SIRPA: variants seen among roughly 807,000 people sequenced by gnomAD.
SIRPA encodes the protein signal regulatory protein alpha, also known as tyrosine-protein phosphatase non-receptor type substrate 1.
In SIRPA, 9 loss-of-function variants were observed where a neutral mutation model predicts 50.3. The ratio of observed to expected loss-of-function variants is 0.18; its 90% confidence interval spans 0.11 to 0.31. The LOEUF (loss-of-function observed/expected upper bound fraction) is 0.31, where lower values mean the gene tolerates loss of function less well. Among genes scored for constraint, SIRPA ranks in the 10% least tolerant of loss-of-function variants. The pLI, the probability that SIRPA is intolerant of heterozygous loss-of-function variation, is 1.00. For synonymous variants in SIRPA, 265 were observed against 284.1 expected (o/e 0.93, Z 0.68); for missense variants, 474 against 661.6 (o/e 0.72, Z 3.11).
chr20:1,919,927 G>T (rs1417250140), intron 2 of SIRPA, among the ~76,000 whole-genome samples: 7 of 152,226 alleles, frequency 4.6e-5, no homozygotes, highest in Admixed American at 2.0e-4. Context: ...TTGTTCTGCT[G>T]CCTGAAGGAT....
Position 1,934,845 on chromosome 20 carries a change from G to C in SIRPA, c.1266+91G>C, listed in dbSNP as rs1986485975. The C allele has an allele frequency of 5.0e-6, 7 of 1,404,962 alleles. No homozygotes were observed. 87.0% of individuals were successfully genotyped at this position (1,404,962 alleles called of 1,614,324 possible). Reference sequence around the variant, plus strand: ...AATTGCAGATCTGGTTCTAAATTAAGACTCCTTGTGGGGTGGAGGGTGGAG... The same window carrying C: ...AATTGCAGATCTGGTTCTAAATTAACACTCCTTGTGGGGTGGAGGGTGGAG... On this transcript the variant is annotated intron_variant, in intron 7 of 7. Transcript: ENST00000358771. The surrounding 1 kb of genome is among the most constrained non-coding windows in gnomAD (Gnocchi z 4.6).
chr20:1,926,499 T>C (rs1269045921), intron 5 of SIRPA, among the ~76,000 whole-genome samples: 1 of 152,230 alleles, frequency 6.6e-6, no homozygotes, highest in East Asian at 1.9e-4. Context: ...GCAGCTCTGG[T>C]AAAGGCCACC....
intron 1 of SIRPA, 125 bp downstream of exon 1, chr20:1,895,651 G>A: frequency 2.8e-6 from 2 of 707,052 alleles, no homozygotes; most frequent in Non-Finnish European, 4.1e-6. Context: ...CTGTAACCAG[G>A]GTTATAGATG....
intron 1 of SIRPA, among the ~76,000 whole-genome samples, chr20:1,904,795 A>C (rs1984449750): frequency 6.6e-6 from 1 of 152,042 alleles, no homozygotes; most frequent in Non-Finnish European, 1.5e-5. Context: ...CCTCTCTTGC[A>C]GGTCCCTTCC....
chr20:1,924,919 G>T lies in SIRPA; in HGVS notation c.1201+42G>T. On this transcript the variant is annotated intron_variant, in intron 5 of 7. Coordinates refer to ENST00000358771, the MANE Select transcript of SIRPA (RefSeq NM_001040023.2). This position sits in a 1 kb window ranked among gnomAD's most constrained non-coding sequence, Gnocchi z 4.5. ...CTTCCTCCCTAAGGGTTTGTCCCTG[G>T]ACTGTCCTCGGAGGGAGACGCCATT... The T allele has an allele frequency of 1.3e-6, 2 of 1,524,266 alleles. No individual in the cohort carries two copies. The highest frequency in any genetic ancestry group is 1.8e-6 in the Non-Finnish European group (2 of 1,099,146). 94.4% of individuals were successfully genotyped at this position (1,524,266 alleles called of 1,614,324 possible). A position where few individuals can be genotyped will look rare whatever the true frequency, so the allele number is the denominator to read the frequency against.
At chr20:1,923,392 C>G (rs1254331733) in intron 4 of SIRPA, among the ~76,000 whole-genome samples, 1 of 152,244 alleles carries the variant, frequency 6.6e-6, no homozygotes, top group Non-Finnish European at 1.5e-5. Context: ...ATAGTAGAAC[C>G]CTTGAATGGA....
chr20:1,906,498 G>A (rs1210117760), intron 1 of SIRPA, among the ~76,000 whole-genome samples: 1 of 152,210 alleles, frequency 6.6e-6, no homozygotes, highest in East Asian at 1.9e-4. Context: ...AAGGAGAGGA[G>A]CGAGCCAGAC....
At position 1,898,250 on chromosome 20, in the gene SIRPA, T is replaced by C. The variant is rs1983945959; in HGVS notation, c.79+2724T>C. Among the ~76,000 whole-genome samples, 1 of 152,196 alleles carries C rather than the reference T, an allele frequency of 6.6e-6. No individual in the cohort carries two copies. Among genetic ancestry groups the C allele is most frequent in the Non-Finnish European group, 1.5e-5 (1 of 68,034 alleles). On this transcript the variant is annotated intron_variant, in intron 1 of 7. Coordinates refer to ENST00000358771, the MANE Select transcript of SIRPA (RefSeq NM_001040023.2). This position sits in a 1 kb window ranked among gnomAD's most constrained non-coding sequence, Gnocchi z 4.3. ...GGTAAAGTTAATCTCACTTCCTCTT[T>C]CGTAAGAAGAGAAAACGGGGCGGGA...
intron 1 of SIRPA, among the ~76,000 whole-genome samples, chr20:1,900,208 C>A (rs997254989): frequency 5.3e-5 from 8 of 149,636 alleles, no homozygotes; most frequent in African/African-American, 2.0e-4. Flanking sequence ...TCAAGCGATT[C>A]TCCTGCCTCA....
At chr20:1,914,043 G>T (rs56380582) in intron 1 of SIRPA, among the ~76,000 whole-genome samples, 61,853 of 151,738 alleles carry the variant, frequency 0.41, 12,849 homozygotes, top group East Asian at 0.66. Flanking sequence ...CCCCATCACA[G>T]TGAGGCCTGG....
intron 2 of SIRPA, among the ~76,000 whole-genome samples, chr20:1,918,380 T>G (rs1264057747): frequency 1.4e-5 from 2 of 147,542 alleles, no homozygotes; most frequent in African/African-American, 5.0e-5. Flanking sequence ...TTTTTTTTTT[T>G]TTTGTATTTT....
In SIRPA at chr20:1,934,837, T is replaced by C; in HGVS notation, c.1266+83T>C. 3 of 1,466,042 alleles carry C rather than the reference T, an allele frequency of 2.0e-6. No homozygotes were observed. Among genetic ancestry groups the C allele is most frequent in the Non-Finnish European group, 2.9e-6 (3 of 1,045,458 alleles). The allele number at this position is 1,466,042 out of a possible 1,614,324, so 90.8% of individuals were successfully genotyped here. A position where few individuals can be genotyped will look rare whatever the true frequency, so the allele number is the denominator to read the frequency against. On this transcript the variant is annotated intron_variant, in intron 7 of 7. Transcript: ENST00000358771. This position sits in a 1 kb window ranked among gnomAD's most constrained non-coding sequence, Gnocchi z 4.6. ...TCAACCGGAATTGCAGATCTGGTTC[T>C]AAATTAAGACTCCTTGTGGGGTGGA...
At chr20:1,911,256 G>C (rs1359372238) in intron 1 of SIRPA, among the ~76,000 whole-genome samples, 1 of 152,120 alleles carries the variant, frequency 6.6e-6, no homozygotes, top group Non-Finnish European at 1.5e-5. Context: ...GAAGCAAAAT[G>C]TCTGCACATA....
chr20:1,912,372 C>T (rs993524559), intron 1 of SIRPA, among the ~76,000 whole-genome samples: 3 of 150,964 alleles, frequency 2.0e-5, no homozygotes, highest in Non-Finnish European at 4.4e-5. Context: ...CCTGCACCCT[C>T]CCCTGGATAT....
rs533206862 is a variant in SIRPA, at chr20:1,926,131, C to G, written c.1201+1254C>G. Among the ~76,000 whole-genome samples the G allele has an allele frequency of 2.0e-5, 3 of 152,312 alleles. No homozygotes were observed. The East Asian group carries it at 5.8e-4, about 29-fold the overall frequency. On this transcript the variant is annotated intron_variant, in intron 5 of 7. Transcript: ENST00000358771. ...TCACCTCTGCCTCCCAAGTTTCCCT[C>G]CCTCCTGGGCTGGCTCTGAGATACT...
In SIRPA at chr20:1,915,190, G is replaced by A. The variant is rs775882764; in HGVS notation, c.171G>A (p.Ala57=). 6 of 1,493,432 alleles carry A rather than the reference G, an allele frequency of 4.0e-6. No homozygotes were observed. Among genetic ancestry groups the A allele is most frequent in the African/African-American group, 1.4e-5 (1 of 72,478 alleles). 92.5% of individuals were successfully genotyped at this position (1,493,432 alleles called of 1,614,324 possible). A position where few individuals can be genotyped will look rare whatever the true frequency, so the allele number is the denominator to read the frequency against. Residue 57 remains alanine (A), a synonymous_variant, in exon 2 of 8, where the codon GCG becomes GCA. Coordinates refer to ENST00000358771, the MANE Select transcript of SIRPA (RefSeq NM_001040023.2). ...AGACAGCCACTCTGCGCTGCACTGC[G>A]ACCTCTCTGATCCCTGTGGGGCCCA... ...AGETATLRCT[A]TSLIPVGPIQ... is the part of the protein sequence containing the mutation.
intron 1 of SIRPA, among the ~76,000 whole-genome samples, chr20:1,904,413 G>A (rs1053147840): frequency 6.6e-6 from 1 of 152,204 alleles, no homozygotes; most frequent in Non-Finnish European, 1.5e-5. Flanking sequence ...CTCCCCCAGA[G>A]GGTCACTGCA....
Position 1,928,802 on chromosome 20 carries a change from G to A in SIRPA, c.1226+903G>A, listed in dbSNP as rs146002123. On this transcript the variant is annotated intron_variant, in intron 6 of 7. Transcript: ENST00000358771. The surrounding 1 kb of genome is among the most constrained non-coding windows in gnomAD (Gnocchi z 4.9). ...AAGAAGATAAGGTCAGGAAGACCCA[G>A]GTCCTCGGCATCCCGGTGTCCTTTG... Among the ~76,000 whole-genome samples, 67 of 152,264 alleles carry A rather than the reference G, an allele frequency of 4.4e-4. No homozygotes were observed. Among genetic ancestry groups the A allele is most frequent in the African/African-American group, 1.5e-3 (64 of 41,550 alleles).
Position 1,937,284 on chromosome 20 carries a change from T to C in SIRPA, c.1267-36T>C, listed in dbSNP as rs1986630599. The C allele has an allele frequency of 4.4e-6, 7 of 1,595,992 alleles. No homozygotes were observed. The highest frequency in any genetic ancestry group is 6.0e-6 in the Non-Finnish European group (7 of 1,167,994). On this transcript the variant is annotated intron_variant, in intron 7 of 7. Coordinates refer to ENST00000358771, the MANE Select transcript of SIRPA (RefSeq NM_001040023.2). This position sits in a 1 kb window ranked among gnomAD's most constrained non-coding sequence, Gnocchi z 8.3. ...GTGGGCCAGGGGCTATAGAATGACCTTCTCATGACTTTCTCTTTGGGTATC... is the reference window on the plus strand; with the variant it reads ...GTGGGCCAGGGGCTATAGAATGACCCTCTCATGACTTTCTCTTTGGGTATC...
Sources: allele counts gnomAD v4.1 joint callset (sites outside exome capture counted in the v4.1 genomes callset), GRCh38; gene constraint gnomAD v4.1.1; non-coding constraint Gnocchi (gnomAD v3.1); transcripts MANE v1.5; gene names NCBI Gene and HGNC (gene_info 2026-07-23, HGNC 2026-07-21).